PUM2: variants seen among roughly 807,000 people sequenced by gnomAD.
PUM2 encodes the protein pumilio homolog 2.
PUM2 carries 57 observed loss-of-function variants against 124.5 expected under a neutral mutation model. The observed-to-expected ratio is 0.46, with a 90% CI of 0.37 to 0.57. The LOEUF is 0.57. PUM2 is among the 20% of genes least tolerant of loss of function. The pLI, the probability that PUM2 is intolerant of heterozygous loss-of-function variation, is 0.00. For synonymous variants in PUM2, 460 were observed against 446.1 expected, an observed-to-expected ratio of 1.03 and a Z score of -0.39; for missense variants, 1,065 against 1,290.6, an observed-to-expected ratio of 0.83 and a Z score of 2.68.
At chr2:20,263,500 A>C (rs1458721254) in intron 13 of PUM2, 40 bp from the exon 14 acceptor site, 2 of 1,548,960 alleles carry the variant, frequency 1.3e-6, no homozygotes, top group East Asian at 4.6e-5. Flanking sequence ...ATTTTTGACA[A>C]AGTTATTCCT....
chr2:20,350,835 G>A lies in PUM2; in HGVS notation c.-257C>T. 3.1e-6 allele frequency: 3 copies of A among 969,998 alleles called. No individual in the cohort carries two copies. Among genetic ancestry groups the A allele is most frequent in the Non-Finnish European group, 3.7e-6 (3 of 817,126 alleles). 60.1% of individuals were successfully genotyped at this position (969,998 alleles called of 1,614,324 possible). A position where few individuals can be genotyped will look rare whatever the true frequency, so the allele number is the denominator to read the frequency against. ...AACAACATGGCTGCCACCGCCGCCT[G>A]CCCTCCCCTCCCCCCCGCCCACCGG... is the stretch of plus-strand genomic sequence containing the variant. On this transcript the variant is annotated 5_prime_UTR_variant, in exon 1 of 21. Coordinates refer to ENST00000361078, the MANE Select transcript of PUM2 (RefSeq NM_015317.5).
intron 7 of PUM2, among the ~76,000 whole-genome samples, chr2:20,298,883 A>T: frequency 6.6e-6 from 1 of 152,304 alleles, no homozygotes; most frequent in Middle Eastern, 3.4e-3. Context: ...TAATATTTTT[A>T]AAAAGCATTC....
At chr2:20,314,170 CAAT>C (rs927051475) in intron 3 of PUM2, among the ~76,000 whole-genome samples, 1 of 151,972 alleles carries the variant, frequency 6.6e-6, no homozygotes, top group African/African-American at 2.4e-5. Context: ...ATTAAAATAA[CAAT>C]AAAATAAAAT....
chr2:20,297,111 T>C (rs1238323206), intron 8 of PUM2, among the ~76,000 whole-genome samples: 1 of 152,210 alleles, frequency 6.6e-6, no homozygotes, highest in Admixed American at 6.5e-5. Flanking sequence ...CATTTTAGCA[T>C]TGCTCAAGAA....
chr2:20,290,314 A>G lies in PUM2; in HGVS notation c.1291+338T>C, dbSNP rs147781789. On this transcript the variant is annotated intron_variant, in intron 10 of 20. Transcript: ENST00000361078. ...TTCTTATAAAGCAGGAGTGGCAAAT[A>G]GATTGTCTTGCATACCAACTCTCAA... is the stretch of plus-strand genomic sequence containing the variant. 8.9e-4 allele frequency among the ~76,000 whole-genome samples: 135 copies of G among 152,330 alleles called. 1 individual carries two copies. The highest frequency in any genetic ancestry group is 8.4e-4 in the Non-Finnish European group (57 of 68,024).
In PUM2 at chr2:20,283,490, A is replaced by C. The variant is rs1260266320; in HGVS notation, c.1292-4T>G. 1 of 1,600,284 alleles carries C rather than the reference A, an allele frequency of 6.2e-7. No individual in the cohort carries two copies. The highest frequency in any genetic ancestry group is 1.3e-5 in the African/African-American group (1 of 74,224). Reference sequence around the variant, plus strand: ...GTTGGAGCTAGTACTTGATAGCCTAAATAAAATAAAGGTTTACTAATGAAA... The same window carrying C: ...GTTGGAGCTAGTACTTGATAGCCTACATAAAATAAAGGTTTACTAATGAAA... On this transcript the variant is annotated splice_region_variant and splice_polypyrimidine_tract_variant and intron_variant, in intron 10 of 20. Transcript: ENST00000361078.
At chr2:20,258,955 C>T (rs781017811) in intron 15 of PUM2, among the ~76,000 whole-genome samples, 7 of 151,920 alleles carry the variant, frequency 4.6e-5, no homozygotes, top group Non-Finnish European at 1.0e-4. Context: ...GCGTGAGCCA[C>T]CGCGCCCGGC....
At chr2:20,318,025 A>G (rs112256366) in intron 3 of PUM2, among the ~76,000 whole-genome samples, 558 of 152,316 alleles carry the variant, frequency 3.7e-3, no homozygotes, top group African/African-American at 0.013. Flanking sequence ...ATGGTAGCAC[A>G]ATTTATATTC....
intron 2 of PUM2, chr2:20,326,451 T>C: frequency 1.6e-6 from 2 of 1,281,466 alleles, no homozygotes; most frequent in Non-Finnish European, 2.1e-6. Flanking sequence ...GGTAAAATAA[T>C]CTCCAGGAGC....
intron 7 of PUM2, 115 bp downstream of exon 7, chr2:20,307,863 T>G (rs1210903653): frequency 7.4e-7 from 1 of 1,348,396 alleles, no homozygotes; most frequent in Non-Finnish European, 9.9e-7. Flanking sequence ...CTATTACTTG[T>G]TGATCTCAGA....
intron 7 of PUM2, among the ~76,000 whole-genome samples, chr2:20,306,402 G>GT (rs1180320370): frequency 6.6e-6 from 1 of 152,082 alleles, no homozygotes; most frequent in Non-Finnish European, 1.5e-5. Context: ...AGTAATAGAT[G>GT]TATTAGCCTG....
At chr2:20,294,546 A>G in intron 8 of PUM2, 28 bp from the exon 9 acceptor site, 1 of 1,566,794 alleles carries the variant, frequency 6.4e-7, no homozygotes, top group East Asian at 2.3e-5. Context: ...CCCCCGAATA[A>G]AAAGTTACTA....
chr2:20,326,545 A>G (rs576712975), intron 2 of PUM2, among the ~76,000 whole-genome samples: 3 of 152,338 alleles, frequency 2.0e-5, no homozygotes, highest in African/African-American at 7.2e-5. Context: ...ACATGACAAA[A>G]TACAGATGTC....
chr2:20,299,742 T>A (rs1433738494), intron 7 of PUM2, among the ~76,000 whole-genome samples: 1 of 152,160 alleles, frequency 6.6e-6, no homozygotes, highest in East Asian at 1.9e-4. Flanking sequence ...TATTTAATTT[T>A]AAAAAATACA....
intron 15 of PUM2, among the ~76,000 whole-genome samples, chr2:20,258,902 C>G (rs1335627697): frequency 1.3e-5 from 2 of 151,636 alleles, no homozygotes; most frequent in African/African-American, 4.8e-5. Flanking sequence ...CTCCTGACCT[C>G]ATGATCCACC....
rs1553362304 is a variant in PUM2, at chr2:20,264,367, AATATATATATATAT to A, written c.1958-921_1958-908del. On this transcript the variant is annotated intron_variant, in intron 13 of 20. Coordinates refer to ENST00000361078, the MANE Select transcript of PUM2 (RefSeq NM_015317.5). ...AAAAAAAAAAAAAAAAAAAAAAAAA[AATATATATATATAT>A]ATATATATATATATATTTGACATAA... is the stretch of plus-strand genomic sequence containing the variant. 3.8e-3 allele frequency among the ~76,000 whole-genome samples: 100 copies of A among 26,600 alleles called. 2 individuals carry two copies. Among genetic ancestry groups the A allele is most frequent in the African/African-American group, 1.0e-2 (85 of 8,526 alleles). The allele number at this position is 26,600 out of a possible 152,430, so 17.5% of individuals were successfully genotyped here.
chr2:20,334,501 T>C (rs1685572050), intron 1 of PUM2, among the ~76,000 whole-genome samples: 1 of 152,272 alleles, frequency 6.6e-6, no homozygotes, highest in African/African-American at 2.4e-5. Flanking sequence ...AACACCATAG[T>C]AGAAATTAAC....
chr2:20,311,694 T>A, intron 4 of PUM2, 31 bp from the exon 5 acceptor site: 6 of 1,596,234 alleles, frequency 3.8e-6, no homozygotes, highest in Non-Finnish European at 5.1e-6. Flanking sequence ...TGATTCTGAA[T>A]ATTTAATAGA....
chr2:20,339,067 A>G (rs1487109602), intron 1 of PUM2, among the ~76,000 whole-genome samples: 1 of 152,200 alleles, frequency 6.6e-6, no homozygotes, highest in Non-Finnish European at 1.5e-5. Flanking sequence ...TATTTAATAA[A>G]TTAGTTAATA....
Sources: gnomAD v4.1 joint callset for allele counts (sites outside exome capture counted in the v4.1 genomes callset) on GRCh38, gnomAD v4.1.1 for gene constraint, MANE v1.5 for transcripts, NCBI Gene and HGNC (gene_info 2026-07-23, HGNC 2026-07-21) for gene names.